MROH2B: variants seen among roughly 807,000 people sequenced by gnomAD.
MROH2B encodes the protein maestro heat-like repeat-containing protein family member 2B.
In MROH2B, 177 loss-of-function variants were observed where a neutral mutation model predicts 208.6. The observed-to-expected ratio is 0.85, with a 90% CI of 0.75 to 0.96. MROH2B has a LOEUF of 0.96. MROH2B is among the 40% of genes least tolerant of loss of function. The pLI is 0.00. For missense variants in MROH2B, 2,002 were observed against 1,878.7 expected (o/e 1.07, Z -1.21); for synonymous variants, 728 against 659.0 (o/e 1.10, Z -1.60).
chr5:41,011,200 C>T (rs1214441330), intron 30 of MROH2B, among the ~76,000 whole-genome samples: 1 of 152,122 alleles, frequency 6.6e-6, no homozygotes, highest in Non-Finnish European at 1.5e-5. Flanking sequence ...AACTCTGCTT[C>T]TAGTAGACAT....
At chr5:41,049,498 C>A in intron 13 of MROH2B, 62 bp from the exon 14 acceptor site, 1 of 1,527,800 alleles carries the variant, frequency 6.5e-7, no homozygotes, top group Non-Finnish European at 8.8e-7. Context: ...CTCCCTGGTC[C>A]TCACTGCATG....
At chr5:41,023,736 T>A (rs1183471187) in intron 24 of MROH2B, among the ~76,000 whole-genome samples, 1 of 152,078 alleles carries the variant, frequency 6.6e-6, no homozygotes, top group African/African-American at 2.4e-5. Context: ...AATTGTCAGA[T>A]ACATCAAAGT....
intron 11 of MROH2B, among the ~76,000 whole-genome samples, chr5:41,052,805 T>C (rs1356736345): frequency 2.0e-5 from 3 of 152,328 alleles, no homozygotes. Flanking sequence ...TTGAAATGTT[T>C]GCATTAAACT....
At chr5:41,047,065 TTTA>T (rs761501718) in intron 17 of MROH2B, among the ~76,000 whole-genome samples, 123,229 of 151,910 alleles carry the variant, frequency 0.81, 50,782 homozygotes, top group Non-Finnish European at 0.89. Flanking sequence ...GTAGATGCCT[TTTA>T]ATATAGAAAA....
intron 21 of MROH2B, among the ~76,000 whole-genome samples, chr5:41,036,048 C>T (rs1359524036): frequency 6.6e-6 from 1 of 151,918 alleles, no homozygotes; most frequent in Non-Finnish European, 1.5e-5. Context: ...ATGTTCATTG[C>T]TTCATTATTC....
intron 29 of MROH2B, among the ~76,000 whole-genome samples, chr5:41,015,075 G>C (rs1227084619): frequency 6.6e-6 from 1 of 152,184 alleles, no homozygotes; most frequent in African/African-American, 2.4e-5. Flanking sequence ...AGGATGAGGA[G>C]ACTGAACTTC....
At chr5:41,051,369 C>T (rs2150176436) in intron 12 of MROH2B, 1 of 238,858 alleles carries the variant, frequency 4.2e-6, no homozygotes, top group Non-Finnish European at 8.0e-6. Flanking sequence ...AGGCCTTTGC[C>T]ATTTTCTTCA....
rs1395831360 is a variant in MROH2B, at chr5:41,005,537, G to A, written c.3858C>T (p.Phe1286=). Residue 1286 remains phenylalanine (F), a synonymous_variant, in exon 35 of 42, where the codon TTC becomes TTT. Transcript: ENST00000399564. The stretch of plus-strand genomic sequence containing the variant: ...GAGGGCTGTTCTCCCTTGCCTCAGA[G>A]AAGAAAGCTGCGCCGGTTATCCGGT... ...ENYRITGAAF[F]SELMKEPILW... 1.3e-6 allele frequency: 2 copies of A among 1,597,940 alleles called. No homozygotes were observed. The highest frequency in any genetic ancestry group is 1.7e-5 in the Admixed American group (1 of 57,808).
At chr5:41,007,487 T>G (rs367877590) in intron 33 of MROH2B, 33 bp from the exon 34 acceptor site, 6 of 1,502,374 alleles carry the variant, frequency 4.0e-6, no homozygotes, top group Middle Eastern at 1.8e-4. Context: ...CAAAACTAAG[T>G]TGACCCTTAT....
At chr5:41,042,394 C>T (rs1382872489) in intron 18 of MROH2B, among the ~76,000 whole-genome samples, 186 bp from the exon 19 acceptor site, 3 of 152,090 alleles carry the variant, frequency 2.0e-5, no homozygotes, top group Admixed American at 6.5e-5. Context: ...CATCTGTGCC[C>T]TCCTATATTC....
At chr5:41,004,681 A>G (rs1741516721) in intron 36 of MROH2B, 93 bp downstream of exon 36, 2 of 1,538,780 alleles carry the variant, frequency 1.3e-6, no homozygotes, top group East Asian at 2.3e-5. Context: ...TGGATTTCCA[A>G]TTAATTTGTA....
At chr5:41,005,413 A>ACT (rs1554046604) in intron 35 of MROH2B, 118 bp downstream of exon 35, 7 of 204,604 alleles carry the variant, frequency 3.4e-5, no homozygotes, top group Non-Finnish European at 5.9e-5. Context: ...CCTCTATGAA[A>ACT]CCCCCCCCCC....
At chr5:41,007,121 G>A (rs978036940) in intron 34 of MROH2B, among the ~76,000 whole-genome samples, 193 bp downstream of exon 34, 2 of 152,152 alleles carry the variant, frequency 1.3e-5, no homozygotes, top group African/African-American at 4.8e-5. Flanking sequence ...GTTTCTTGAG[G>A]TGAGTGGTGT....
At chr5:41,040,919 C>A (rs1046359943) in intron 19 of MROH2B, among the ~76,000 whole-genome samples, 2 of 152,104 alleles carry the variant, frequency 1.3e-5, no homozygotes, top group Admixed American at 6.6e-5. Flanking sequence ...CCTGCCTCAG[C>A]CTCCCAAAGT....
chr5:41,059,665 A>G (rs540856139), intron 6 of MROH2B, among the ~76,000 whole-genome samples: 2 of 152,254 alleles, frequency 1.3e-5, no homozygotes, highest in South Asian at 2.1e-4. Context: ...TCAGGACTAC[A>G]TCTTTGCTTC....
chr5:41,031,187 C>T (rs891067492), intron 24 of MROH2B, among the ~76,000 whole-genome samples: 3 of 152,082 alleles, frequency 2.0e-5, no homozygotes, highest in South Asian at 2.1e-4. Flanking sequence ...CTCAGGAAGC[C>T]TCAGGAAACT....
rs184230674 is a variant in MROH2B, at chr5:41,022,908, C to T, written c.2442-3890G>A. Among the ~76,000 whole-genome samples, 819 of 151,326 alleles carry T rather than the reference C, an allele frequency of 5.4e-3. 7 individuals carry two copies. Among genetic ancestry groups the T allele is most frequent in the Non-Finnish European group, 8.4e-3 (564 of 67,456 alleles). On this transcript the variant is annotated intron_variant, in intron 24 of 41. Coordinates refer to ENST00000399564, the MANE Select transcript of MROH2B (RefSeq NM_173489.5). ...AGCAATATTCACTGTTCTGCAGCCT[C>T]CGCTGCTGATAACCAGGCAAACAGG...
At chr5:41,002,378 G>T (rs1304861430) in intron 37 of MROH2B, among the ~76,000 whole-genome samples, 1 of 152,152 alleles carries the variant, frequency 6.6e-6, no homozygotes, top group Non-Finnish European at 1.5e-5. Flanking sequence ...TGACAGTGTG[G>T]GGAATAGTAG....
Position 41,037,230 on chromosome 5 carries a change from T to C in MROH2B, c.2214+1506A>G, listed in dbSNP as rs1398017252. ...GTCCTCCAACTTTGGCCTCATGAAG[T>C]GCTGAGATTACACGCTTAAAAAAAA... On this transcript the variant is annotated intron_variant, in intron 21 of 41. Coordinates refer to ENST00000399564, the MANE Select transcript of MROH2B (RefSeq NM_173489.5). Among the ~76,000 whole-genome samples, 10 of 152,124 alleles carry C rather than the reference T, an allele frequency of 6.6e-5. No individual in the cohort carries two copies. In the East Asian group the frequency reaches 1.9e-3, roughly 29 times the overall value.
Sources: gnomAD v4.1 joint callset for allele counts (sites outside exome capture counted in the v4.1 genomes callset) on GRCh38, gnomAD v4.1.1 for gene constraint, MANE v1.5 for transcripts, NCBI Gene and HGNC (gene_info 2026-07-23, HGNC 2026-07-21) for gene names.